The following CTDSP1 variants were observed in gnomAD, a reference collection of about 807,000 sequenced individuals.
CTDSP1 encodes carboxy-terminal domain RNA polymerase II polypeptide A small phosphatase 1.
CTDSP1 carries 15 observed loss-of-function variants against 32.5 expected under a neutral mutation model. The observed-to-expected ratio is 0.46, with a 90% CI of 0.31 to 0.71. The LOEUF (loss-of-function observed/expected upper bound fraction) is 0.71. CTDSP1 is among the 30% of genes least tolerant of loss of function. The pLI is 0.05. For synonymous variants in CTDSP1, 185 were observed against 145.4 expected, an observed-to-expected ratio of 1.27 and a Z score of -1.96; for missense variants, 294 against 351.1, an observed-to-expected ratio of 0.84 and a Z score of 1.30.
rs912936403 is a variant in CTDSP1, at chr2:218,402,921, G to A, written c.379-114G>A. 26 of 765,388 alleles carry A rather than the reference G, an allele frequency of 3.4e-5. 1 individual carries two copies. The highest frequency in any genetic ancestry group is 1.1e-4 in the South Asian group (7 of 66,354). The allele number at this position is 765,388 out of a possible 1,614,324, so 47.4% of individuals were successfully genotyped here. The stretch of plus-strand genomic sequence containing the variant: ...GGGTAGCTGGCCAAGCGGAGCCTGC[G>A]GGCCCAGTCTCCTTCCTGTGCGCCT... On this transcript the variant is annotated intron_variant, in intron 4 of 6. Transcript: ENST00000273062.
chr2:218,403,969 A>ATCGCTTGAGGTAGAAGGCTCAG (rs1697286804), intron 6 of CTDSP1, among the ~76,000 whole-genome samples: 1 of 152,042 alleles, frequency 6.6e-6, no homozygotes, highest in Non-Finnish European at 1.5e-5. Flanking sequence ...CTGAGGTAGG[A>ATCGCTTGAGGTAGAAGGCTCAG]GTATCACTTG....
rs567065861 is a variant in CTDSP1 at position 218,404,650 on chromosome 2, C to T, written c.*225C>T. On this transcript the variant is annotated 3_prime_UTR_variant, in exon 7 of 7. Coordinates refer to ENST00000273062, the MANE Select transcript of CTDSP1 (RefSeq NM_021198.3). ...CGTGTCAGTGCCTTCAAACCTCCTC[C>T]CCTATTCTCAGGGGACCTGGGGGGC... 1.2e-3 allele frequency: 596 copies of T among 517,566 alleles called. 2 individuals carry two copies. Among genetic ancestry groups the T allele is most frequent in the African/African-American group, 9.8e-3 (509 of 51,760 alleles). The allele number at this position is 517,566 out of a possible 1,614,324, so 32.1% of individuals were successfully genotyped here.
chr2:218,402,561 C>G (rs1028397265), intron 4 of CTDSP1, 156 bp downstream of exon 4: 4 of 828,176 alleles, frequency 4.8e-6, no homozygotes, highest in Non-Finnish European at 8.3e-6. Flanking sequence ...CACACAGAAC[C>G]TCAAGGGCTT....
At chr2:218,400,623 G>A in intron 1 of CTDSP1, 2 of 413,764 alleles carry the variant, frequency 4.8e-6, no homozygotes, top group Non-Finnish European at 9.8e-6. Flanking sequence ...GGGAGGCTTG[G>A]AGGGATCTCC....
chr2:218,401,540 C>G, intron 1 of CTDSP1, 24 bp from the exon 2 acceptor site: 1 of 1,612,948 alleles, frequency 6.2e-7, no homozygotes, highest in Non-Finnish European at 8.5e-7. Flanking sequence ...CACCGAGCCT[C>G]CAACTTGTGC....
intron 4 of CTDSP1, 122 bp from the exon 5 acceptor site, chr2:218,402,913 G>A (rs557959911): frequency 5.4e-6 from 4 of 735,978 alleles, no homozygotes; most frequent in Non-Finnish European, 9.6e-6. Context: ...TGGCCAAGCG[G>A]AGCCTGCGGG....
At chr2:218,403,586 C>T (rs1697268338) in intron 6 of CTDSP1, 169 bp downstream of exon 6, 5 of 607,432 alleles carry the variant, frequency 8.2e-6, no homozygotes, top group South Asian at 4.4e-5. Flanking sequence ...TCCACCTGCC[C>T]TGTAGCCATA....
chr2:218,399,591 C>CG (rs1207517569), upstream of CTDSP1: 12 of 362,906 alleles, frequency 3.3e-5, no homozygotes, highest in African/African-American at 2.2e-4. Flanking sequence ...TGGGCGCTCC[C>CG]GGCGGGCGGG....
chr2:218,400,060 A>G lies in CTDSP1; in HGVS notation c.-31A>G. 2 of 1,360,196 alleles carry G rather than the reference A, an allele frequency of 1.5e-6. No homozygotes were observed. Among genetic ancestry groups the G allele is most frequent in the Non-Finnish European group, 9.5e-7 (1 of 1,049,886 alleles). The allele number at this position is 1,360,196 out of a possible 1,614,324, so 84.3% of individuals were successfully genotyped here. Reference sequence around the variant, plus strand: ...GGGGGAGGCCGGGCGCCCGGGCCAGAGTCCGGCCGGAGCGGAGCGCGCCCG... The same window carrying G: ...GGGGGAGGCCGGGCGCCCGGGCCAGGGTCCGGCCGGAGCGGAGCGCGCCCG... On this transcript the variant is annotated 5_prime_UTR_variant, in exon 1 of 7. Transcript: ENST00000273062.
At position 218,401,648 on chromosome 2, in the gene CTDSP1, G is replaced by A. The variant is rs1455941412; in HGVS notation, c.152G>A (p.Gly51Glu). ...SLFCCVCRDD[G>E]EALPAHSGAP... ...TTCTGCTGTGTCTGCCGGGATGATG[G>A]GGAGGCCCTGCCTGCTCACAGCGGG... The change falls in exon 2 of 7, where the codon GGG (glycine) becomes GAG (glutamate). Residue 51 changes from glycine to glutamate, a missense_variant. Transcript: ENST00000273062. The A allele has an allele frequency of 6.2e-7, 1 of 1,612,576 alleles. No homozygotes were observed.
chr2:218,399,839 C>G (rs529422620), upstream of CTDSP1: 4 of 1,213,530 alleles, frequency 3.3e-6, no homozygotes, highest in African/African-American at 4.7e-5. Context: ...TAAGGGGGAG[C>G]CTTGAAACGG....
At position 218,400,071 on chromosome 2, in the gene CTDSP1, A is replaced by T; in HGVS notation, c.-20A>T. ...GGCGCCCGGGCCAGAGTCCGGCCGG[A>T]GCGGAGCGCGCCCGGCCCCATGGAC... is the stretch of plus-strand genomic sequence containing the variant. On this transcript the variant is annotated 5_prime_UTR_variant, in exon 1 of 7. Coordinates refer to ENST00000273062, the MANE Select transcript of CTDSP1 (RefSeq NM_021198.3). 7.6e-7 allele frequency: 1 copy of T among 1,318,894 alleles called. No individual in the cohort carries two copies. Among genetic ancestry groups the T allele is most frequent in the Non-Finnish European group, 9.8e-7 (1 of 1,021,720 alleles). 81.7% of individuals were successfully genotyped at this position (1,318,894 alleles called of 1,614,324 possible). A position where few individuals can be genotyped will look rare whatever the true frequency, so the allele number is the denominator to read the frequency against.
At chr2:218,401,218 A>C in intron 1 of CTDSP1, 2 of 382,722 alleles carry the variant, frequency 5.2e-6, no homozygotes, top group Non-Finnish European at 1.0e-5. Flanking sequence ...GTGCTCAGGT[A>C]AGGTGGGGTC....
chr2:218,401,765 C>A, intron 2 of CTDSP1, 53 bp downstream of exon 2: 4 of 1,474,152 alleles, frequency 2.7e-6, no homozygotes, highest in Non-Finnish European at 3.6e-6. Context: ...GTCTTCAGGG[C>A]TTTAGGGGAA....
At chr2:218,404,050 A>G (rs1263585748) in intron 6 of CTDSP1, among the ~76,000 whole-genome samples, 1 of 151,534 alleles carries the variant, frequency 6.6e-6, no homozygotes. Context: ...ACAGAGCAAG[A>G]CCCTGCCTCA....
intron 6 of CTDSP1, 196 bp downstream of exon 6, chr2:218,403,613 C>T (rs1697269934): frequency 1.9e-6 from 1 of 537,970 alleles, no homozygotes. Context: ...TTTCCCCTCG[C>T]ACAAAGCAGA....
upstream of CTDSP1, among the ~76,000 whole-genome samples, chr2:218,397,805 CGCCCCAGGCGTGGGGAGATAAGTCCAGG>C (rs1351385037): frequency 1.8e-4 from 28 of 152,200 alleles, no homozygotes; most frequent in Admixed American, 3.9e-4. Flanking sequence ...ACTAACTACC[CGCCCCAGGCGTGGGGAGATAAGTCCAGG>C]GCTCCAGGCA....
intron 6 of CTDSP1, chr2:218,403,633 A>G: frequency 8.4e-6 from 4 of 478,010 alleles, no homozygotes; most frequent in Non-Finnish European, 1.5e-5. Flanking sequence ...AGCATCTGCC[A>G]TGCACAGGGG....
chr2:218,400,997 C>T (rs578057860), intron 1 of CTDSP1: 109 of 444,582 alleles, frequency 2.5e-4, no homozygotes, highest in African/African-American at 2.1e-3. Flanking sequence ...GGAGGGGTAT[C>T]TGTCAATCAG....
Sources: allele counts gnomAD v4.1 joint callset (sites outside exome capture counted in the v4.1 genomes callset), GRCh38; gene constraint gnomAD v4.1.1; transcripts MANE v1.5; gene names NCBI Gene and HGNC (gene_info 2026-07-23, HGNC 2026-07-21).